Variants in RAB38 observed in about 807,000 individuals in gnomAD.
The protein encoded by RAB38 is RAB38, member RAS oncogene family, also known as ras-related protein Rab-38.
RAB38 carries 15 observed loss-of-function variants against 18.4 expected under a neutral mutation model. The ratio of observed to expected loss-of-function variants is 0.82; its 90% CI spans 0.55 to 1.26. RAB38 has a LOEUF of 1.26. Ranked by LOEUF, RAB38 falls within the 50% of genes most tolerant of loss-of-function variation. RAB38 has a pLI of 0.00. For synonymous variants in RAB38, 101 were observed against 104.4 expected, an observed-to-expected ratio of 0.97 and a Z score of 0.20; for missense variants, 294 against 267.4, an observed-to-expected ratio of 1.10 and a Z score of -0.69.
At chr11:88,035,399 T>C in the RAB38 span, among the ~76,000 whole-genome samples, 2 of 152,224 alleles carry the variant, frequency 1.3e-5, no homozygotes, top group Non-Finnish European at 2.9e-5. Flanking sequence ...AAATCTGTAT[T>C]AGTCAGAGTT....
chr11:88,026,375 AAC>A, the RAB38 span, among the ~76,000 whole-genome samples: 1 of 151,258 alleles, frequency 6.6e-6, no homozygotes, highest in Non-Finnish European at 1.5e-5. Flanking sequence ...CATCCTGGCT[AAC>A]ACAGTGAAAT....
chr11:87,816,572 A>ATC, the RAB38 span: 6 of 152,024 alleles, frequency 3.9e-5, no homozygotes, highest in East Asian at 3.9e-4. Context: ...GATCTATAGG[A>ATC]TCTCTCTCTC....
chr11:87,870,790 C>T, the RAB38 span, among the ~76,000 whole-genome samples: 4 of 151,490 alleles, frequency 2.6e-5, no homozygotes, highest in Non-Finnish European at 4.4e-5. Context: ...AAAGTGACAA[C>T]CTTATCATCA....
the RAB38 span, among the ~76,000 whole-genome samples, chr11:87,910,633 CTTTTTTTTTTTTTT>C: frequency 1.1e-3 from 146 of 131,120 alleles, 1 homozygote; most frequent in African/African-American, 3.5e-3. Context: ...AGTTCATTTT[CTTTTTTTTTTTTTT>C]TTTTTTTTTT....
At chr11:87,863,101 A>C in the RAB38 span, among the ~76,000 whole-genome samples, 1 of 151,858 alleles carries the variant, frequency 6.6e-6, no homozygotes, top group Non-Finnish European at 1.5e-5. Context: ...TGGGTGGATG[A>C]ATGAATAGGA....
intron 1 of RAB38, among the ~76,000 whole-genome samples, chr11:88,160,540 T>C (rs1408994347): frequency 1.3e-5 from 2 of 152,214 alleles, no homozygotes; most frequent in East Asian, 1.9e-4. Context: ...CACATGTTCA[T>C]TGCAATACTA....
At chr11:87,833,984 A>G in the RAB38 span, among the ~76,000 whole-genome samples, 102 of 152,332 alleles carry the variant, frequency 6.7e-4, no homozygotes, top group South Asian at 2.5e-3. Context: ...GTCTAATTAC[A>G]TAGGCCCTTA....
At chr11:88,024,320 C>A in the RAB38 span, among the ~76,000 whole-genome samples, 1 of 152,016 alleles carries the variant, frequency 6.6e-6, no homozygotes, top group South Asian at 2.1e-4. Flanking sequence ...AAATGGAAAT[C>A]AAAACTATAA....
At chr11:87,839,658 G>A in the RAB38 span, among the ~76,000 whole-genome samples, 2 of 152,170 alleles carry the variant, frequency 1.3e-5, no homozygotes, top group Non-Finnish European at 2.9e-5. Context: ...AGCAGAAGTA[G>A]AAGTATTTTT....
the RAB38 span, among the ~76,000 whole-genome samples, chr11:88,032,534 A>G: frequency 5.9e-5 from 9 of 152,220 alleles, no homozygotes; most frequent in Admixed American, 5.9e-4. Flanking sequence ...TTACAAGAAA[A>G]AAACAAACAA....
At chr11:87,860,036 C>T in the RAB38 span, among the ~76,000 whole-genome samples, 1 of 151,982 alleles carries the variant, frequency 6.6e-6, no homozygotes, top group African/African-American at 2.4e-5. Context: ...ATGCTCCTCC[C>T]TAACTGGGTA....
chr11:87,951,825 A>T, the RAB38 span, among the ~76,000 whole-genome samples: 7,068 of 152,168 alleles, frequency 0.046, 281 homozygotes, highest in East Asian at 0.2. Flanking sequence ...GGTGCCTCCC[A>T]GTTAGGCTAC....
the RAB38 span, among the ~76,000 whole-genome samples, chr11:87,942,621 G>C: frequency 3.3e-5 from 5 of 152,224 alleles, no homozygotes; most frequent in Admixed American, 1.3e-4. Context: ...CTGGTATGTG[G>C]AGCTGAAATT....
At chr11:87,843,672 T>A in the RAB38 span, among the ~76,000 whole-genome samples, 1 of 152,238 alleles carries the variant, frequency 6.6e-6, no homozygotes, top group African/African-American at 2.4e-5. Context: ...AGCCTAAATT[T>A]GCTTGTACAA....
chr11:87,865,686 G>T, the RAB38 span, among the ~76,000 whole-genome samples: 65 of 151,598 alleles, frequency 4.3e-4, no homozygotes, highest in African/African-American at 1.5e-3. Flanking sequence ...GAAGAAAAGA[G>T]AAGGTAGAGA....
chr11:87,863,570 CTG>C, the RAB38 span, among the ~76,000 whole-genome samples: 3 of 151,348 alleles, frequency 2.0e-5, no homozygotes, highest in Non-Finnish European at 3.0e-5. Context: ...AGGCAGGACT[CTG>C]TTTGGCGCAT....
the RAB38 span, among the ~76,000 whole-genome samples, chr11:87,899,799 A>G: frequency 6.6e-6 from 1 of 151,692 alleles, no homozygotes; most frequent in African/African-American, 2.4e-5. Flanking sequence ...TACAACTGCC[A>G]GAAGTCATGG....
At chr11:88,078,545 A>G in the RAB38 span, among the ~76,000 whole-genome samples, 1 of 145,348 alleles carries the variant, frequency 6.9e-6, no homozygotes, top group South Asian at 2.1e-4. Context: ...TTAGGCCATA[A>G]AACAGAAGAA....
chr11:88,022,697 T>C, the RAB38 span, among the ~76,000 whole-genome samples: 1 of 145,550 alleles, frequency 6.9e-6, no homozygotes, highest in African/African-American at 2.5e-5. Flanking sequence ...CCAGCTCCAC[T>C]CATCTCCCTG....
Sources: allele counts gnomAD v4.1 joint callset (sites outside exome capture counted in the v4.1 genomes callset), GRCh38; gene constraint gnomAD v4.1.1; transcripts MANE v1.5; gene names NCBI Gene and HGNC (gene_info 2026-07-23, HGNC 2026-07-21).